The following BAZ2B variants were observed in gnomAD, a reference collection of about 807,000 sequenced individuals.
BAZ2B encodes the protein bromodomain adjacent to zinc finger domain 2B, also known as bromodomain adjacent to zinc finger domain protein 2B.
A neutral mutation model predicts 246.0 loss-of-function variants in BAZ2B; 91 were observed. The ratio of observed to expected loss-of-function variants is 0.37; its 90% CI spans 0.31 to 0.44. The LOEUF is 0.44. BAZ2B is among the 20% of genes least tolerant of loss of function. The pLI, the probability that BAZ2B is intolerant of heterozygous loss-of-function variation, is 1.00. For synonymous variants in BAZ2B, 855 were observed against 860.0 expected (o/e 0.99, Z 0.10); for missense variants, 2,332 against 2,533.7 (o/e 0.92, Z 1.71).
chr2:159,477,222 G>A lies in BAZ2B; in HGVS notation c.145+1353C>T, dbSNP rs533908099. ...CGGGAGGCTGAGGCACAAGAATGGC[G>A]TGAACCCAGGTGGTGGAGCTTGCAG... is the stretch of plus-strand genomic sequence containing the variant. On this transcript the variant is annotated intron_variant, in intron 3 of 36. Transcript: ENST00000392783. Among the ~76,000 whole-genome samples the A allele has an allele frequency of 5.4e-4, 82 of 152,130 alleles. No individual in the cohort carries two copies. In the East Asian group the frequency reaches 0.011, roughly 20 times the overall value.
intron 2 of BAZ2B, among the ~76,000 whole-genome samples, chr2:159,485,179 C>G (rs1281924399): frequency 6.6e-6 from 1 of 152,082 alleles, no homozygotes; most frequent in African/African-American, 2.4e-5. Flanking sequence ...TTTGTTTAGA[C>G]AACTTCCAGG....
At chr2:159,389,324 T>C in intron 21 of BAZ2B, 21 bp downstream of exon 21, 4 of 1,550,904 alleles carry the variant, frequency 2.6e-6, no homozygotes, top group Non-Finnish European at 3.5e-6. Context: ...AATGAAATGG[T>C]GTACATGACG....
intron 3 of BAZ2B, among the ~76,000 whole-genome samples, chr2:159,455,443 G>T (rs1417479523): frequency 1.3e-5 from 2 of 151,950 alleles, no homozygotes; most frequent in African/African-American, 4.8e-5. Flanking sequence ...GGCTATATAA[G>T]GAAAAAGTTC....
At chr2:159,479,754 TA>T (rs1469953580) in intron 2 of BAZ2B, among the ~76,000 whole-genome samples, 1 of 152,176 alleles carries the variant, frequency 6.6e-6, no homozygotes, top group African/African-American at 2.4e-5. Context: ...AGTATGTAGA[TA>T]ATTTTTCTCA....
intron 10 of BAZ2B, among the ~76,000 whole-genome samples, chr2:159,429,734 C>T (rs1015470578): frequency 1.3e-5 from 2 of 151,954 alleles, no homozygotes; most frequent in Admixed American, 6.6e-5. Flanking sequence ...TTAACCTAAG[C>T]CACCAAGGAA....
In BAZ2B at chr2:159,439,083, C is replaced by A. The variant is rs768228242; in HGVS notation, c.826G>T (p.Asp276Tyr). ...TCTTCACTTTCTTCAATACTTTGAT[C>A]TTCTTCTTCTTCATCTTCTTCTAGA... ...DDLEEDEEEE[D>Y]QSIEESEDDD... The change falls in exon 7 of 37, where the codon GAT becomes TAT. Residue 276 changes from aspartate (D) to tyrosine (Y), a missense_variant. Physicochemically the swap from Asp to Tyr is radical, Grantham distance 160. Coordinates refer to ENST00000392783, the MANE Select transcript of BAZ2B (RefSeq NM_013450.4). 6.2e-7 allele frequency: 1 copy of A among 1,613,588 alleles called. No homozygotes were observed.
chr2:159,617,265 T>A (rs1006129807), upstream of BAZ2B, among the ~76,000 whole-genome samples: 1 of 152,168 alleles, frequency 6.6e-6, no homozygotes, highest in Non-Finnish European at 1.5e-5. Flanking sequence ...TGCAGTCATA[T>A]GCTATGGTCT....
rs142851443 is a variant in BAZ2B, at chr2:159,338,326, T to C, written c.5455-554A>G. On this transcript the variant is annotated intron_variant, in intron 31 of 36. Transcript: ENST00000392783. ...AAGGATCCTGATAGGAATCCTTTCC[T>C]GACCTCTTTCAGGAGCTAAGTCCCT... Among the ~76,000 whole-genome samples the C allele has an allele frequency of 1.7e-3, 255 of 152,364 alleles. 1 individual carries two copies. Among genetic ancestry groups the C allele is most frequent in the African/African-American group, 5.8e-3 (241 of 41,590 alleles).
the BAZ2B span, among the ~76,000 whole-genome samples, chr2:159,625,090 A>G: frequency 6.6e-6 from 1 of 152,198 alleles, no homozygotes; most frequent in Admixed American, 6.5e-5. Flanking sequence ...GAGACTGAAT[A>G]TCAACTTAAT....
intron 2 of BAZ2B, among the ~76,000 whole-genome samples, chr2:159,535,711 A>C (rs2085897010): frequency 6.6e-6 from 1 of 152,248 alleles, no homozygotes; most frequent in Non-Finnish European, 1.5e-5. Context: ...AACTTCAGAT[A>C]ATAATGAACC....
At chr2:159,662,616 C>T in the BAZ2B span, among the ~76,000 whole-genome samples, 1 of 152,156 alleles carries the variant, frequency 6.6e-6, no homozygotes, top group African/African-American at 2.4e-5. Context: ...TCTCTGCTTC[C>T]CGGGCTCAAG....
intron 27 of BAZ2B, among the ~76,000 whole-genome samples, chr2:159,363,772 T>C (rs1268958132): frequency 6.6e-6 from 1 of 151,964 alleles, no homozygotes; most frequent in Admixed American, 6.6e-5. Flanking sequence ...ACTGAGACTG[T>C]GGAAAAGGGA....
At chr2:159,471,781 G>T (rs992224294) in intron 3 of BAZ2B, among the ~76,000 whole-genome samples, 2 of 152,088 alleles carry the variant, frequency 1.3e-5, no homozygotes, top group Admixed American at 1.3e-4. Context: ...ATTTGCTATT[G>T]TCTGTGAAAG....
intron 1 of BAZ2B, among the ~76,000 whole-genome samples, chr2:159,596,184 G>T (rs1690665180): frequency 6.6e-6 from 1 of 152,102 alleles, no homozygotes. Flanking sequence ...ACACTCTTAG[G>T]ACTTGTTGAA....
chr2:159,478,256 G>A (rs1210562789), intron 3 of BAZ2B, among the ~76,000 whole-genome samples: 1 of 152,178 alleles, frequency 6.6e-6, no homozygotes, highest in Non-Finnish European at 1.5e-5. Context: ...AGGGCAAAGT[G>A]TCTACCAAGG....
intron 2 of BAZ2B, among the ~76,000 whole-genome samples, chr2:159,523,473 AGGCGG>A (rs912993294): frequency 6.6e-6 from 1 of 152,102 alleles, no homozygotes; most frequent in African/African-American, 2.4e-5. Context: ...TGGGAGGTCG[AGGCGG>A]GCGGATCACA....
chr2:159,463,769 A>C (rs2076700766), intron 3 of BAZ2B: 1 of 152,068 alleles, frequency 6.6e-6, no homozygotes, highest in Admixed American at 6.6e-5. Context: ...TAATGGTGCG[A>C]TCTCCGCTCA....
At chr2:159,438,887 G>A (rs1344918864) in intron 7 of BAZ2B, 122 bp downstream of exon 7, 1 of 1,263,046 alleles carries the variant, frequency 7.9e-7, no homozygotes, top group African/African-American at 1.5e-5. Context: ...TTCTTTCTTG[G>A]GCAAAAGTAT....
chr2:159,620,375 C>G (rs183713646), upstream of BAZ2B, among the ~76,000 whole-genome samples: 1 of 152,254 alleles, frequency 6.6e-6, no homozygotes, highest in Admixed American at 6.5e-5. Context: ...CTATATGCTA[C>G]GCGCTATGCT....
Sources: gnomAD v4.1 joint callset for allele counts (sites outside exome capture counted in the v4.1 genomes callset) on GRCh38, gnomAD v4.1.1 for gene constraint, MANE v1.5 for transcripts, NCBI Gene and HGNC (gene_info 2026-07-23, HGNC 2026-07-21) for gene names.